Variants in PPP1R12B observed in about 807,000 individuals in gnomAD.
PPP1R12B encodes the protein myosin phosphatase target subunit 2.
In PPP1R12B, 76 loss-of-function variants were observed where a neutral mutation model predicts 126.1. The ratio of observed to expected loss-of-function variants is 0.60; its 90% CI spans 0.50 to 0.73. The LOEUF (loss-of-function observed/expected upper bound fraction) is 0.73, where lower values mean the gene tolerates loss of function less well. Among genes scored for constraint, PPP1R12B ranks in the 30% least tolerant of loss-of-function variants. The pLI, the probability that PPP1R12B is intolerant of heterozygous loss-of-function variation, is 0.00. For synonymous variants in PPP1R12B, 356 were observed against 434.7 expected, an observed-to-expected ratio of 0.82 and a Z score of 2.25; for missense variants, 1,052 against 1,205.1, an observed-to-expected ratio of 0.87 and a Z score of 1.88.
chr1:202,368,171 A>G (rs1659607739), intron 1 of PPP1R12B, among the ~76,000 whole-genome samples: 2 of 152,146 alleles, frequency 1.3e-5, no homozygotes, highest in East Asian at 3.9e-4. Context: ...GGGTTTCACC[A>G]TGTTGGCCAG....
chr1:202,373,020 C>T (rs555011212), intron 1 of PPP1R12B, among the ~76,000 whole-genome samples: 4 of 152,012 alleles, frequency 2.6e-5, no homozygotes, highest in South Asian at 2.1e-4. Flanking sequence ...CAGCAACCTT[C>T]GCCTCCCTGG....
At chr1:202,482,120 A>G (rs1449937024) in intron 13 of PPP1R12B, among the ~76,000 whole-genome samples, 2 of 151,126 alleles carry the variant, frequency 1.3e-5, no homozygotes, top group African/African-American at 4.9e-5. Context: ...GGATATACAC[A>G]TTTTCTTTAC....
At chr1:202,499,226 A>G (rs1170483723) in intron 18 of PPP1R12B, among the ~76,000 whole-genome samples, 1 of 152,174 alleles carries the variant, frequency 6.6e-6, no homozygotes, top group African/African-American at 2.4e-5. Flanking sequence ...AGAGAATTGA[A>G]TGGAAAAGAT....
intron 18 of PPP1R12B, among the ~76,000 whole-genome samples, chr1:202,539,316 A>G (rs529931639): frequency 1.3e-5 from 2 of 152,048 alleles, no homozygotes; most frequent in African/African-American, 2.4e-5. Context: ...TTTTCCTCCT[A>G]CAAGTGGTAA....
chr1:202,439,556 T>G (rs1671335526), intron 10 of PPP1R12B: 11 of 1,488,142 alleles, frequency 7.4e-6, no homozygotes, highest in Non-Finnish European at 1.0e-5. Context: ...TGGTCACTCC[T>G]GCCAGGAACT....
In PPP1R12B at chr1:202,505,394, G is replaced by T. The variant is rs767655983; in HGVS notation, c.2490+8572G>T. On this transcript the variant is annotated intron_variant, in intron 18 of 23. Transcript: ENST00000608999. ...ACCTTCTTCCTTTGAGTAAATAGCA[G>T]CCCTTTTTCTCCAATTTTTCACAGC... Among the ~76,000 whole-genome samples the T allele has an allele frequency of 6.4e-4, 97 of 152,192 alleles. 1 individual carries two copies. Among genetic ancestry groups the T allele is most frequent in the African/African-American group, 2.3e-3 (94 of 41,508 alleles).
chr1:202,547,079 GTT>G (rs1272641875), intron 18 of PPP1R12B, among the ~76,000 whole-genome samples: 5 of 152,164 alleles, frequency 3.3e-5, no homozygotes, highest in Non-Finnish European at 5.9e-5. Context: ...TTGGTTATGA[GTT>G]TTGTGTTGGG....
chr1:202,518,034 A>G (rs1682357920), intron 18 of PPP1R12B, among the ~76,000 whole-genome samples: 1 of 152,246 alleles, frequency 6.6e-6, no homozygotes, highest in Non-Finnish European at 1.5e-5. Flanking sequence ...ACTGTTGGGA[A>G]TGCAAATTAG....
intron 18 of PPP1R12B, among the ~76,000 whole-genome samples, chr1:202,510,314 T>TG (rs1681299299): frequency 6.6e-6 from 1 of 152,188 alleles, no homozygotes; most frequent in Non-Finnish European, 1.5e-5. Context: ...TAGCAATCAC[T>TG]GGGGTTATTT....
chr1:202,518,336 G>C (rs1197931363), intron 18 of PPP1R12B, among the ~76,000 whole-genome samples: 1 of 152,204 alleles, frequency 6.6e-6, no homozygotes, highest in Non-Finnish European at 1.5e-5. Context: ...ACAGCCTACT[G>C]TCCAGTATTC....
Position 202,581,850 on chromosome 1 carries a change from G to T in PPP1R12B, c.*1290G>T, listed in dbSNP as rs1233426172. The T allele has an allele frequency of 6.6e-6, 1 of 152,182 alleles. No individual in the cohort carries two copies. Among genetic ancestry groups the T allele is most frequent in the African/African-American group, 2.4e-5 (1 of 41,438 alleles). The allele number at this position is 152,182 out of a possible 1,614,324, so 9.4% of individuals were successfully genotyped here. A position where few individuals can be genotyped will look rare whatever the true frequency, so the allele number is the denominator to read the frequency against. ...ATAGGGGAAATGGCACTTAATAGAG[G>T]TTTAATGGAATGAAGTACTTTCAAC... is the stretch of plus-strand genomic sequence containing the variant. On this transcript the variant is annotated 3_prime_UTR_variant, in exon 24 of 24. Coordinates refer to ENST00000608999, the MANE Select transcript of PPP1R12B (RefSeq NM_002481.4).
intron 1 of PPP1R12B, among the ~76,000 whole-genome samples, chr1:202,391,520 C>T (rs1463329233): frequency 1.3e-5 from 2 of 152,098 alleles, no homozygotes; most frequent in Non-Finnish European, 2.9e-5. Flanking sequence ...AGCAATTCTA[C>T]TCCCATAAAT....
At chr1:202,498,839 G>A (rs1679870158) in intron 18 of PPP1R12B, among the ~76,000 whole-genome samples, 1 of 152,188 alleles carries the variant, frequency 6.6e-6, no homozygotes, top group African/African-American at 2.4e-5. Context: ...GGATACAGTT[G>A]AGAAGCCCAG....
chr1:202,439,605 G>T, intron 10 of PPP1R12B: 4 of 1,050,922 alleles, frequency 3.8e-6, no homozygotes, highest in Non-Finnish European at 5.8e-6. Flanking sequence ...GTACACCATG[G>T]ACCCTGCCCT....
Position 202,521,070 on chromosome 1 carries a change from C to T in PPP1R12B, c.2490+24248C>T, listed in dbSNP as rs536474421. On this transcript the variant is annotated intron_variant, in intron 18 of 23. Coordinates refer to ENST00000608999, the MANE Select transcript of PPP1R12B (RefSeq NM_002481.4). The stretch of plus-strand genomic sequence containing the variant: ...CAGGAATAAGCTGCTTGTTCCTGAC[C>T]AGAAGTAAAGAAGAATTGGCAGTCA... Among the ~76,000 whole-genome samples, 5 of 152,102 alleles carry T rather than the reference C, an allele frequency of 3.3e-5. No homozygotes were observed. The East Asian group carries it at 9.7e-4, about 29-fold the overall frequency.
At chr1:202,574,502 CAG>C (rs577418771) in intron 23 of PPP1R12B, among the ~76,000 whole-genome samples, 24 of 152,158 alleles carry the variant, frequency 1.6e-4, no homozygotes, top group Non-Finnish European at 2.8e-4. Context: ...GACCCTATCT[CAG>C]ATAAATAAAC....
In PPP1R12B at chr1:202,517,687, G is replaced by A. The variant is rs186058785; in HGVS notation, c.2490+20865G>A. 5.3e-5 allele frequency among the ~76,000 whole-genome samples: 8 copies of A among 151,612 alleles called. No individual in the cohort carries two copies. The East Asian group carries it at 9.7e-4, about 18-fold the overall frequency. The stretch of plus-strand genomic sequence containing the variant: ...GCCACCCAGGCTGGAGTGTCATGGC[G>A]TGATCTCGGCTCACTGCAACCTCCG... On this transcript the variant is annotated intron_variant, in intron 18 of 23. Transcript: ENST00000608999.
chr1:202,421,241 G>A (rs1416766348), intron 2 of PPP1R12B, among the ~76,000 whole-genome samples: 3 of 151,098 alleles, frequency 2.0e-5, no homozygotes, highest in Non-Finnish European at 4.4e-5. Flanking sequence ...GAGCCACTGC[G>A]TTTGGCTCCA....
At position 202,588,910 on chromosome 1, in the gene PPP1R12B, C is replaced by T. The variant is rs777710054; in HGVS notation, c.*8350C>T. The T allele has an allele frequency of 1.3e-5, 2 of 151,928 alleles. No homozygotes were observed. Among genetic ancestry groups the T allele is most frequent in the African/African-American group, 4.8e-5 (2 of 41,324 alleles). 9.4% of individuals were successfully genotyped at this position (151,928 alleles called of 1,614,324 possible). A position where few individuals can be genotyped will look rare whatever the true frequency, so the allele number is the denominator to read the frequency against. Reference sequence around the variant, plus strand: ...AGCTTCAAGTAACCAAGAGTATATACGGTTATTTCTTGGAAGACACCAGGT... The same window carrying T: ...AGCTTCAAGTAACCAAGAGTATATATGGTTATTTCTTGGAAGACACCAGGT... On this transcript the variant is annotated 3_prime_UTR_variant, in exon 24 of 24. Coordinates refer to ENST00000608999, the MANE Select transcript of PPP1R12B (RefSeq NM_002481.4).
Sources: allele counts gnomAD v4.1 joint callset (sites outside exome capture counted in the v4.1 genomes callset), GRCh38; gene constraint gnomAD v4.1.1; transcripts MANE v1.5; gene names NCBI Gene and HGNC (gene_info 2026-07-23, HGNC 2026-07-21).